The following CD36 variants were observed in gnomAD, a reference collection of about 807,000 sequenced individuals.
The protein encoded by CD36 is platelet glycoprotein 4.
CD36 carries 119 observed loss-of-function variants against 55.2 expected under a neutral mutation model. That is an observed-to-expected ratio of 2.15 (90% CI 1.86 to 2.51). CD36 has a LOEUF of 2.51. CD36 is among the 30% of genes most tolerant of loss of function. CD36 has a pLI of 0.00. For synonymous variants in CD36, 186 were observed against 193.6 expected (o/e 0.96, Z 0.33); for missense variants, 819 against 555.5 (o/e 1.47, Z -4.77).
intron 3 of CD36, among the ~76,000 whole-genome samples, chr7:80,649,013 A>G (rs769031388): frequency 2.6e-5 from 4 of 152,130 alleles, no homozygotes; most frequent in Non-Finnish European, 4.4e-5. Flanking sequence ...GCAGAAAAAT[A>G]CTTAATTGAT....
At chr7:80,673,023 T>C in intron 12 of CD36, 180 bp downstream of exon 12, 1 of 595,400 alleles carries the variant, frequency 1.7e-6, no homozygotes. Context: ...TTTGGAATGG[T>C]TTTATGGTTT....
At chr7:80,669,897 GT>G in intron 8 of CD36, 55 bp from the exon 9 acceptor site, 1 of 1,232,212 alleles carries the variant, frequency 8.1e-7, no homozygotes, top group Non-Finnish European at 1.2e-6. Flanking sequence ...AGATTTCTAG[GT>G]TTTTTTCTAG....
intron 1 of CD36, among the ~76,000 whole-genome samples, chr7:80,604,390 T>TTTTTTTAGC (rs144014175): frequency 2.7e-5 from 3 of 109,640 alleles, no homozygotes; most frequent in East Asian, 2.8e-4. Context: ...TTTTTTTTTT[T>TTTTTTTAGC]AGCAAAGTAT....
At chr7:80,652,366 A>G (rs1312383094) in intron 3 of CD36, among the ~76,000 whole-genome samples, 3 of 152,184 alleles carry the variant, frequency 2.0e-5, no homozygotes, top group African/African-American at 7.2e-5. Flanking sequence ...TTTCAGAAAC[A>G]TATTAAAGCT....
At chr7:80,649,565 C>T (rs3211824) in intron 3 of CD36, among the ~76,000 whole-genome samples, 2,573 of 151,884 alleles carry the variant, frequency 0.017, 73 homozygotes, top group African/African-American at 0.058. Context: ...GGAGTAAAAG[C>T]ATCAAACTCA....
At chr7:80,674,955 G>T (rs1798100201) in intron 14 of CD36, among the ~76,000 whole-genome samples, 1 of 152,000 alleles carries the variant, frequency 6.6e-6, no homozygotes, top group African/African-American at 2.4e-5. Flanking sequence ...CAATAGCCTG[G>T]ATTCATCAGC....
In CD36 at chr7:80,666,470, C is replaced by G. The variant is rs149985988; in HGVS notation, c.729C>G (p.Cys243Trp). 6.2e-7 allele frequency: 1 copy of G among 1,607,556 alleles called. No homozygotes were observed. Among genetic ancestry groups the G allele is most frequent in the Non-Finnish European group, 8.5e-7 (1 of 1,174,592 alleles). Reference sequence around the variant, plus strand: ...ATCTGTCCTATTGGGAAAGTCACTGCGACATGATTAATGGTACAGGTAAGA... The same window carrying G: ...ATCTGTCCTATTGGGAAAGTCACTGGGACATGATTAATGGTACAGGTAAGA... ...KRNLSYWESH[C>W]DMINGTDAAS... is the part of the protein sequence containing the mutation. Residue 243 changes from cysteine (C) to tryptophan (W), a missense_variant, in exon 8 of 15, where the codon TGC becomes TGG. By Grantham distance (215) the Cys-to-Trp change is radical. Coordinates refer to ENST00000447544, the MANE Select transcript of CD36 (RefSeq NM_001001548.3).
In CD36 at chr7:80,643,341, C is replaced by T. The variant is rs530417220; in HGVS notation, c.-183-2747C>T. 2.6e-5 allele frequency among the ~76,000 whole-genome samples: 4 copies of T among 152,206 alleles called. No individual in the cohort carries two copies. The South Asian group carries it at 8.3e-4, about 32-fold the overall frequency. On this transcript the variant is annotated intron_variant, in intron 1 of 14. Coordinates refer to ENST00000447544, the MANE Select transcript of CD36 (RefSeq NM_001001548.3). ...TTAAATCATTTTGTATCACATTTGT[C>T]AGAGTTGCAAATGACATTAATATTG...
intron 3 of CD36, among the ~76,000 whole-genome samples, chr7:80,655,936 A>G (rs58700883): frequency 0.13 from 17,357 of 132,492 alleles, 1,384 homozygotes; most frequent in East Asian, 0.34. Context: ...AAAAAAAAAG[A>G]AAAGAAAAAG....
chr7:80,664,263 C>T, intron 6 of CD36, 143 bp from the exon 7 acceptor site: 2 of 609,184 alleles, frequency 3.3e-6, no homozygotes, highest in Middle Eastern at 4.6e-4. Context: ...TTTTTAAGGC[C>T]AATAATTTAA....
intron 8 of CD36, among the ~76,000 whole-genome samples, chr7:80,667,182 C>T (rs907117195): frequency 6.6e-6 from 1 of 152,106 alleles, no homozygotes; most frequent in Non-Finnish European, 1.5e-5. Flanking sequence ...AATCCCAGCA[C>T]TTTGGGAGAC....
chr7:80,657,801 C>T (rs539001859), intron 4 of CD36, among the ~76,000 whole-genome samples: 9 of 152,258 alleles, frequency 5.9e-5, no homozygotes, highest in East Asian at 1.9e-4. Context: ...TGTATTTTCC[C>T]TCATGGATAA....
At chr7:80,635,706 T>G (rs1438344277), upstream of CD36, among the ~76,000 whole-genome samples, 1 of 152,170 alleles carries the variant, frequency 6.6e-6, no homozygotes, top group African/African-American at 2.4e-5. Flanking sequence ...TAGTTAGCAA[T>G]AAGTCATACA....
intron 4 of CD36, among the ~76,000 whole-genome samples, chr7:80,658,820 A>AT (rs1291383589): frequency 1.3e-5 from 2 of 152,112 alleles, no homozygotes; most frequent in Non-Finnish European, 2.9e-5. Context: ...TAAATATATT[A>AT]TTTGGGATAT....
At chr7:80,635,891 G>T (rs1173506688), upstream of CD36, among the ~76,000 whole-genome samples, 1 of 152,110 alleles carries the variant, frequency 6.6e-6, no homozygotes, top group Non-Finnish European at 1.5e-5. Flanking sequence ...TAATAGTCTT[G>T]TGTGTGTCTG....
chr7:80,667,761 T>G (rs1381369413), intron 8 of CD36, among the ~76,000 whole-genome samples: 1 of 140,006 alleles, frequency 7.1e-6, no homozygotes, highest in African/African-American at 2.7e-5. Context: ...TTTTTTTTTT[T>G]TTTTTTTGAG....
At chr7:80,622,691 A>G (rs1793534112) in intron 1 of CD36, among the ~76,000 whole-genome samples, 3 of 152,208 alleles carry the variant, frequency 2.0e-5, no homozygotes, top group Admixed American at 2.0e-4. Flanking sequence ...AGTAGGGGAA[A>G]GTTCCTTAAA....
At chr7:80,616,598 A>G (rs568560881) in intron 1 of CD36, among the ~76,000 whole-genome samples, 2 of 152,162 alleles carry the variant, frequency 1.3e-5, no homozygotes, top group African/African-American at 4.8e-5. Flanking sequence ...CATTTTCTTA[A>G]GTCTCCAGTT....
chr7:80,615,837 T>C (rs1481242850), intron 1 of CD36, among the ~76,000 whole-genome samples: 1 of 152,202 alleles, frequency 6.6e-6, no homozygotes, highest in Non-Finnish European at 1.5e-5. Context: ...TGGAAGAGTC[T>C]TTCTTGGTTT....
Sources: allele counts gnomAD v4.1 joint callset (sites outside exome capture counted in the v4.1 genomes callset), GRCh38; gene constraint gnomAD v4.1.1; transcripts MANE v1.5; gene names NCBI Gene and HGNC (gene_info 2026-07-23, HGNC 2026-07-21).